Variants in SNAP25 observed in about 807,000 individuals in gnomAD.
The protein encoded by SNAP25 is synaptosome associated protein 25.
A neutral mutation model predicts 28.7 loss-of-function variants in SNAP25; 3 were observed. The observed-to-expected ratio is 0.10, with a 90% confidence interval of 0.05 to 0.27. SNAP25 has a LOEUF of 0.27. Ranked by LOEUF, SNAP25 falls within the 10% of genes least tolerant of loss-of-function variation. The pLI, the probability that SNAP25 is intolerant of heterozygous loss-of-function variation, is 1.00. For synonymous variants in SNAP25, 61 were observed against 88.1 expected (o/e 0.69, Z 1.72); for missense variants, 117 against 278.7 (o/e 0.42, Z 4.13).
chr20:10,293,390 CA>C lies in SNAP25; in HGVS notation c.281+113del. On this transcript the variant is annotated intron_variant, in intron 5 of 7. Transcript: ENST00000254976. This position sits in a 1 kb window ranked among gnomAD's most constrained non-coding sequence, Gnocchi z 5.6. ...CAGGATGAGCATGTGGCATGCAGAA[CA>C]GATCAATACCGTCTCCAATGCATTC... is the stretch of plus-strand genomic sequence containing the variant. 1.4e-6 allele frequency: 1 copy of C among 737,490 alleles called. No individual in the cohort carries two copies. The allele number at this position is 737,490 out of a possible 1,614,324, so 45.7% of individuals were successfully genotyped here. A position where few individuals can be genotyped will look rare whatever the true frequency, so the allele number is the denominator to read the frequency against.
intron 1 of SNAP25, among the ~76,000 whole-genome samples, chr20:10,240,467 C>A (rs1307115487): frequency 6.6e-6 from 1 of 152,102 alleles, no homozygotes; most frequent in Non-Finnish European, 1.5e-5. Context: ...CTCACAGGTG[C>A]CCCCCATGCT....
At chr20:10,229,699 GTA>G (rs2062794486) in intron 1 of SNAP25, among the ~76,000 whole-genome samples, 1 of 152,020 alleles carries the variant, frequency 6.6e-6, no homozygotes, top group African/African-American at 2.4e-5. Context: ...TGCTTGTTTT[GTA>G]TTTATTTTCT....
At chr20:10,292,799 C>G (rs1230250219) in intron 4 of SNAP25, 10 of 842,838 alleles carry the variant, frequency 1.2e-5, no homozygotes, top group Non-Finnish European at 1.9e-5. Flanking sequence ...CTTTCAAATT[C>G]TGTTTCACAT....
intron 1 of SNAP25, among the ~76,000 whole-genome samples, chr20:10,237,436 C>A (rs6039784): frequency 7.9e-5 from 12 of 152,258 alleles, no homozygotes; most frequent in African/African-American, 2.6e-4. Flanking sequence ...GCAGAAGAGG[C>A]CTTCAGAATA....
intron 1 of SNAP25, among the ~76,000 whole-genome samples, chr20:10,235,859 G>A (rs1280200320): frequency 6.6e-6 from 1 of 152,182 alleles, no homozygotes; most frequent in East Asian, 1.9e-4. Context: ...GAGTTACAGA[G>A]TTTCTCAAAA....
intron 1 of SNAP25, among the ~76,000 whole-genome samples, chr20:10,242,273 G>T (rs1200395738): frequency 6.6e-6 from 1 of 152,206 alleles, no homozygotes. Context: ...ACTAGCATCA[G>T]CTGATCCCAG....
chr20:10,283,046 A>G (rs1032942806), intron 3 of SNAP25, among the ~76,000 whole-genome samples: 3 of 152,206 alleles, frequency 2.0e-5, no homozygotes, highest in Non-Finnish European at 4.4e-5. Flanking sequence ...TCTACATTTT[A>G]CAAGATGATT....
At chr20:10,256,971 T>A (rs1046965062) in intron 1 of SNAP25, among the ~76,000 whole-genome samples, 9 of 152,210 alleles carry the variant, frequency 5.9e-5, no homozygotes, top group African/African-American at 2.2e-4. Context: ...ACAAATAAAT[T>A]TATGTATATG....
At chr20:10,301,096 AG>A (rs2064224681) in intron 7 of SNAP25, among the ~76,000 whole-genome samples, 1 of 152,242 alleles carries the variant, frequency 6.6e-6, no homozygotes, top group Admixed American at 6.5e-5. Flanking sequence ...CTTTACTAAT[AG>A]AAGGGTCAAA....
chr20:10,276,096 T>C (rs1318145806), intron 2 of SNAP25, among the ~76,000 whole-genome samples: 8 of 152,202 alleles, frequency 5.3e-5, no homozygotes. Context: ...AAATAAGGTA[T>C]AATAATGTGT....
At chr20:10,296,853 G>A in intron 5 of SNAP25, 72 bp from the exon 6 acceptor site, 1 of 1,604,320 alleles carries the variant, frequency 6.2e-7, no homozygotes. Flanking sequence ...TTCTTCGCTT[G>A]AAGAAGTGAC....
chr20:10,244,835 AT>A (rs1214876537), intron 1 of SNAP25, among the ~76,000 whole-genome samples: 13 of 150,558 alleles, frequency 8.6e-5, no homozygotes, highest in Non-Finnish European at 1.9e-4. Context: ...GGTTCAAGCG[AT>A]TCTCCTGCCT....
intron 1 of SNAP25, among the ~76,000 whole-genome samples, chr20:10,250,784 A>C (rs1418168483): frequency 6.6e-6 from 1 of 152,196 alleles, no homozygotes; most frequent in Non-Finnish European, 1.5e-5. Context: ...ATAAGATAAG[A>C]ATACCAGATT....
chr20:10,243,993 G>A (rs564564969), intron 1 of SNAP25, among the ~76,000 whole-genome samples: 7 of 152,268 alleles, frequency 4.6e-5, no homozygotes, highest in African/African-American at 1.7e-4. Context: ...AGACCCCTCA[G>A]TTCCCTGGGA....
chr20:10,259,548 A>AT (rs543430975), intron 1 of SNAP25, among the ~76,000 whole-genome samples: 410 of 129,762 alleles, frequency 3.2e-3, no homozygotes, highest in Non-Finnish European at 4.1e-3. Flanking sequence ...TTTTATTTTT[A>AT]TTTTTTTTGA....
At chr20:10,256,542 A>G (rs925205483) in intron 1 of SNAP25, among the ~76,000 whole-genome samples, 1 of 152,226 alleles carries the variant, frequency 6.6e-6, no homozygotes, top group Non-Finnish European at 1.5e-5. Context: ...TGAGGAAATC[A>G]CAAGTTAAAA....
At chr20:10,247,302 A>G (rs981023113) in intron 1 of SNAP25, among the ~76,000 whole-genome samples, 1 of 152,168 alleles carries the variant, frequency 6.6e-6, no homozygotes, top group Admixed American at 6.5e-5. Flanking sequence ...CTGATCAGTG[A>G]TGACATTTAG....
At chr20:10,292,718 C>T (rs980514233) in intron 4 of SNAP25, among the ~76,000 whole-genome samples, 1 of 152,190 alleles carries the variant, frequency 6.6e-6, no homozygotes, top group African/African-American at 2.4e-5. Context: ...TCTTTCCACC[C>T]ATACCTGTGT....
At chr20:10,296,712 A>G in intron 5 of SNAP25, 3 of 594,020 alleles carry the variant, frequency 5.1e-6, no homozygotes, top group Non-Finnish European at 8.4e-6. Flanking sequence ...ATTGCAGTCC[A>G]TTGCAATGGA....
Sources: allele counts gnomAD v4.1 joint callset (sites outside exome capture counted in the v4.1 genomes callset), GRCh38; gene constraint gnomAD v4.1.1; non-coding constraint Gnocchi (gnomAD v3.1); transcripts MANE v1.5; gene names NCBI Gene and HGNC (gene_info 2026-07-23, HGNC 2026-07-21).